WDPCP: variants seen among roughly 807,000 people sequenced by gnomAD.
WDPCP encodes the protein WD repeat containing planar cell polarity effector, also known as WD repeat-containing and planar cell polarity effector protein fritz homolog.
In WDPCP, 71 loss-of-function variants were observed where a neutral mutation model predicts 93.1. The ratio of observed to expected loss-of-function variants is 0.76; its 90% confidence interval spans 0.63 to 0.93. The LOEUF (loss-of-function observed/expected upper bound fraction) is 0.93. Ranked by LOEUF, WDPCP falls within the 40% of genes least tolerant of loss-of-function variation. The probability of loss-of-function intolerance (pLI) is 0.00; values close to 1 mark genes in which losing one functional copy is unlikely to be tolerated. For missense variants in WDPCP, 844 were observed against 887.4 expected (o/e 0.95, Z 0.62); for synonymous variants, 315 against 315.0 (o/e 1.00, Z 0.00).
In WDPCP at chr2:63,697,524, A is replaced by G. The variant is rs547067043; in HGVS notation, n.309-46686T>C. 2.0e-5 allele frequency among the ~76,000 whole-genome samples: 3 copies of G among 152,330 alleles called. 1 individual carries two copies. Among genetic ancestry groups the G allele is most frequent in the African/African-American group, 7.2e-5 (3 of 41,576 alleles). On this transcript the variant is annotated intron_variant and non_coding_transcript_variant, in intron 2 of 4. Coordinates refer to the WDPCP transcript ENST00000467687. ...TAAAAAATCGTATGATCATACACAC[A>G]AAGAAAATTTGTTGTGTTGCCTGCC...
intron 17 of WDPCP, among the ~76,000 whole-genome samples, chr2:63,142,550 G>A (rs1366449295): frequency 7.2e-5 from 11 of 152,068 alleles, no homozygotes. Flanking sequence ...CGTTTTATGG[G>A]CTATCATGTG....
chr2:63,579,030 G>A (rs1233735745), intron 1 of WDPCP, among the ~76,000 whole-genome samples: 1 of 152,132 alleles, frequency 6.6e-6, no homozygotes, highest in Non-Finnish European at 1.5e-5. Context: ...AGCATCCTAT[G>A]ACAAAGCATC....
intron 6 of WDPCP, among the ~76,000 whole-genome samples, chr2:63,457,181 C>A (rs896296739): frequency 1.3e-5 from 2 of 152,040 alleles, no homozygotes; most frequent in Non-Finnish European, 2.9e-5. Flanking sequence ...AAAAGATCAT[C>A]AGGGACTAAG....
At chr2:63,625,727 G>A (rs60690377) in intron 3 of WDPCP, among the ~76,000 whole-genome samples, 3,364 of 152,214 alleles carry the variant, frequency 0.022, 104 homozygotes, top group African/African-American at 0.072. Flanking sequence ...GCTCATGGAT[G>A]GGAAGAATCA....
At chr2:63,674,111 A>G (rs941461139) in intron 2 of WDPCP, among the ~76,000 whole-genome samples, 3 of 152,220 alleles carry the variant, frequency 2.0e-5, no homozygotes, top group Non-Finnish European at 2.9e-5. Context: ...TCCACATCAG[A>G]GTCCCAAGGC....
At chr2:63,419,336 T>C (rs1025222203) in intron 9 of WDPCP, among the ~76,000 whole-genome samples, 2 of 152,144 alleles carry the variant, frequency 1.3e-5, no homozygotes, top group African/African-American at 4.8e-5. Context: ...AAGACGGGGT[T>C]TCATCATCTT....
rs371507850 is a variant in WDPCP, at chr2:63,622,900, G to A, written n.488+27759C>T. 35 of 1,279,404 alleles carry A rather than the reference G, an allele frequency of 2.7e-5. No individual in the cohort carries two copies. In the East Asian group the frequency reaches 5.0e-4, roughly 18 times the overall value. 79.3% of individuals were successfully genotyped at this position (1,279,404 alleles called of 1,614,324 possible). A position where few individuals can be genotyped will look rare whatever the true frequency, so the allele number is the denominator to read the frequency against. ...TGCGGAGCCTGGGAGGCACGCGGGG[G>A]CCGGGCCAGGCCGGGGCTCGGCGCA... On this transcript the variant is annotated intron_variant and non_coding_transcript_variant, in intron 3 of 4. Coordinates refer to the WDPCP transcript ENST00000467687.
At chr2:63,373,805 CTATT>C (rs1047133339) in intron 12 of WDPCP, among the ~76,000 whole-genome samples, 4 of 151,920 alleles carry the variant, frequency 2.6e-5, no homozygotes, top group African/African-American at 9.7e-5. Context: ...ATTATATACT[CTATT>C]TCTTTCCTTT....
chr2:63,349,326 A>G (rs747060015), intron 12 of WDPCP, among the ~76,000 whole-genome samples: 1 of 152,124 alleles, frequency 6.6e-6, no homozygotes, highest in South Asian at 2.1e-4. Context: ...AAATGTATAG[A>G]AGTACAATTT....
In WDPCP at chr2:63,404,547, G is replaced by A. The variant is rs1694413952; in HGVS notation, c.936C>T (p.Pro312=). 6.2e-7 allele frequency: 1 copy of A among 1,613,488 alleles called. No homozygotes were observed. Among genetic ancestry groups the A allele is most frequent in the Admixed American group, 1.7e-5 (1 of 59,950 alleles). Residue 312 remains proline (P), a synonymous_variant, in exon 10 of 18, where the codon CCC becomes CCT. Transcript: ENST00000272321. ...VEHSVSVDKE[P]MADSCIYECI... ...ATTCATAGATGCAGCTGTCAGCCATGGGCTCTTTGTCTACACTTACGGAGT... is the reference window on the plus strand; with the variant it reads ...ATTCATAGATGCAGCTGTCAGCCATAGGCTCTTTGTCTACACTTACGGAGT...
At chr2:63,799,010 T>C (rs1340191937) in intron 2 of WDPCP, among the ~76,000 whole-genome samples, 1 of 152,208 alleles carries the variant, frequency 6.6e-6, no homozygotes, top group Non-Finnish European at 1.5e-5. Flanking sequence ...ATCTAAGATT[T>C]ATTCATGATC....
intron 1 of WDPCP, among the ~76,000 whole-genome samples, chr2:63,575,572 A>ACAGTGTATGC (rs1708051411): frequency 6.9e-6 from 1 of 144,672 alleles, no homozygotes; most frequent in Non-Finnish European, 1.5e-5. Flanking sequence ...TATACTATAT[A>ACAGTGTATGC]ACTAAAGATC....
At chr2:63,461,140 T>C (rs1415398190) in intron 6 of WDPCP, among the ~76,000 whole-genome samples, 1 of 151,276 alleles carries the variant, frequency 6.6e-6, no homozygotes, top group Non-Finnish European at 1.5e-5. Context: ...TAGCAAGAGA[T>C]AGTATGTAGA....
intron 13 of WDPCP, among the ~76,000 whole-genome samples, chr2:63,302,865 C>T (rs1213101803): frequency 6.6e-6 from 1 of 152,184 alleles, no homozygotes; most frequent in Non-Finnish European, 1.5e-5. Flanking sequence ...CTACAGGCCT[C>T]CATCTTGTTT....
At chr2:63,302,825 G>T (rs1685437325) in intron 13 of WDPCP, among the ~76,000 whole-genome samples, 1 of 152,210 alleles carries the variant, frequency 6.6e-6, no homozygotes, top group Non-Finnish European at 1.5e-5. Context: ...GTTCAAGCCA[G>T]CCCAACAAAA....
At chr2:63,507,866 G>T (rs1701981125) in intron 1 of WDPCP, among the ~76,000 whole-genome samples, 1 of 152,058 alleles carries the variant, frequency 6.6e-6, no homozygotes, top group African/African-American at 2.4e-5. Context: ...GAAATAAAGT[G>T]TGAAGACAAG....
intron 12 of WDPCP, among the ~76,000 whole-genome samples, chr2:63,354,935 T>C (rs543394730): frequency 6.6e-6 from 1 of 152,158 alleles, no homozygotes; most frequent in South Asian, 2.1e-4. Flanking sequence ...TGGAGAAGTA[T>C]GGGATTATGT....
At chr2:63,443,389 C>T (rs1359661900) in intron 6 of WDPCP, among the ~76,000 whole-genome samples, 5 of 152,108 alleles carry the variant, frequency 3.3e-5, no homozygotes, top group Non-Finnish European at 2.9e-5. Context: ...AATATAGACT[C>T]AAATGAAGTA....
intron 6 of WDPCP, among the ~76,000 whole-genome samples, chr2:63,446,096 A>C (rs766716246): frequency 6.6e-6 from 1 of 152,078 alleles, no homozygotes; most frequent in Admixed American, 6.5e-5. Context: ...TTCTCAGTTG[A>C]CTTCCATGCA....
Sources: gnomAD v4.1 joint callset for allele counts (sites outside exome capture counted in the v4.1 genomes callset) on GRCh38, gnomAD v4.1.1 for gene constraint, MANE v1.5 for transcripts, NCBI Gene and HGNC (gene_info 2026-07-23, HGNC 2026-07-21) for gene names.